BTBD3: variants seen among roughly 807,000 people sequenced by gnomAD.
BTBD3 encodes the protein BTB/POZ domain-containing protein 3.
A neutral mutation model predicts 41.6 loss-of-function variants in BTBD3; 14 were observed. That is an observed-to-expected ratio of 0.34 (90% CI 0.22 to 0.53). The LOEUF (loss-of-function observed/expected upper bound fraction) is 0.53, where lower values mean the gene tolerates loss of function less well. Ranked by LOEUF, BTBD3 falls within the 20% of genes least tolerant of loss-of-function variation. The pLI is 0.95. For synonymous variants in BTBD3, 249 were observed against 233.7 expected (o/e 1.07, Z -0.60); for missense variants, 426 against 654.7 (o/e 0.65, Z 3.81).
At chr20:11,911,617 ATTTG>A (rs1006675364) in intron 1 of BTBD3, among the ~76,000 whole-genome samples, 2 of 152,224 alleles carry the variant, frequency 1.3e-5, no homozygotes, top group African/African-American at 4.8e-5. Flanking sequence ...AAGGTGGCGA[ATTTG>A]TTTGAGGCTG....
chr20:11,923,045 A>C lies in BTBD3; in HGVS notation c.948A>C (p.Ala316=). The C allele has an allele frequency of 6.2e-7, 1 of 1,614,092 alleles. No individual in the cohort carries two copies. Among genetic ancestry groups the C allele is most frequent in the Middle Eastern group, 1.6e-4 (1 of 6,062 alleles). ...IENKRKVLGK[A]LYLIRIPTMA... ...ATAAACGCAAGGTTCTAGGAAAGGC[A>C]CTTTACTTGATCCGCATACCCACAA... The change falls in exon 4 of 4, where the codon GCA becomes GCC. Residue 316 remains alanine, a synonymous_variant. Coordinates refer to ENST00000378226, the MANE Select transcript of BTBD3 (RefSeq NM_014962.4). The surrounding 1 kb of genome is among the most constrained non-coding windows in gnomAD (Gnocchi z 5.3).
intron 3 of BTBD3, among the ~76,000 whole-genome samples, chr20:11,920,666 T>A (rs979513351): frequency 1.3e-5 from 2 of 152,192 alleles, no homozygotes; most frequent in Admixed American, 1.3e-4. Flanking sequence ...TAAGTAGTAT[T>A]TATATGATTT....
chr20:11,891,614 G>T (rs1043712167), intron 1 of BTBD3, among the ~76,000 whole-genome samples: 5 of 152,160 alleles, frequency 3.3e-5, no homozygotes, highest in African/African-American at 4.8e-5. Context: ...TTTGTGGCCC[G>T]TTTGCTCTAA....
chr20:11,919,643 T>G, intron 2 of BTBD3, 75 bp from the exon 3 acceptor site: 1 of 1,435,700 alleles, frequency 7.0e-7, no homozygotes, highest in Non-Finnish European at 9.8e-7. Context: ...GATTGCCTAG[T>G]GTTGTTTTTC....
At chr20:11,911,665 G>A (rs745901775) in intron 1 of BTBD3, among the ~76,000 whole-genome samples, 1 of 152,166 alleles carries the variant, frequency 6.6e-6, no homozygotes, top group African/African-American at 2.4e-5. Context: ...TTGCAGGGCC[G>A]CAGGTTGGAC....
rs1386925348 is a variant in BTBD3, at chr20:11,918,488, G to C, written c.213G>C (p.Lys71Asn). 6.2e-7 allele frequency: 1 copy of C among 1,614,142 alleles called. No homozygotes were observed. The highest frequency in any genetic ancestry group is 2.2e-5 in the East Asian group (1 of 44,888). Reference protein sequence around the residue: ...KMAADIFPRKKPANSSSTSVQ... With the variant: ...KMAADIFPRKNPANSSSTSVQ... ...CTGCTGATATATTCCCCCGTAAAAAGCCAGCCAACTCCAGCAGCACCAGCG... is the reference window on the plus strand; with the variant it reads ...CTGCTGATATATTCCCCCGTAAAAACCCAGCCAACTCCAGCAGCACCAGCG... The change falls in exon 1 of 4, where the codon AAG becomes AAC. Residue 71 changes from lysine (K) to asparagine (N), a missense_variant. Physicochemically the swap from Lys to Asn is moderately conservative, Grantham distance 94 (BLOSUM62 0). Coordinates refer to ENST00000378226, the MANE Select transcript of BTBD3 (RefSeq NM_014962.4).
intron 1 of BTBD3, 158 bp downstream of exon 1, chr20:11,918,759 G>C (rs2056940141): frequency 1.3e-6 from 1 of 795,490 alleles, no homozygotes. Flanking sequence ...TTCCAAAACA[G>C]TACAGCTGTT....
At chr20:11,914,202 G>C (rs534253316), upstream of BTBD3, among the ~76,000 whole-genome samples, 1 of 152,074 alleles carries the variant, frequency 6.6e-6, no homozygotes, top group African/African-American at 2.4e-5. Context: ...CAACCCAGTG[G>C]GTGATGTTTC....
chr20:11,903,346 C>G (rs575486353), intron 1 of BTBD3, among the ~76,000 whole-genome samples: 1 of 152,244 alleles, frequency 6.6e-6, no homozygotes, highest in Non-Finnish European at 1.5e-5. Context: ...GATTGCTACC[C>G]CCAATTCTCC....
chr20:11,913,997 C>G (rs2056903976), upstream of BTBD3, among the ~76,000 whole-genome samples: 1 of 152,188 alleles, frequency 6.6e-6, no homozygotes. Flanking sequence ...ACCTAATACA[C>G]TGCATAGTCA....
chr20:11,922,831 G>T lies in BTBD3; in HGVS notation c.734G>T (p.Trp245Leu), dbSNP rs748850736. ...FEEPDLTQRC[W>L]EVIDAQAELA... ...GAGCCAGACCTGACCCAGCGTTGCT[G>T]GGAGGTGATTGATGCCCAGGCTGAG... Residue 245 changes from tryptophan (W) to leucine (L), a missense_variant, in exon 4 of 4, where the codon TGG becomes TTG. This residue lies in a region of BTBD3 where 321 missense variants were observed against 534.8 expected (regional missense o/e 0.60). Coordinates refer to ENST00000378226, the MANE Select transcript of BTBD3 (RefSeq NM_014962.4). 9.9e-6 allele frequency: 16 copies of T among 1,614,104 alleles called. No individual in the cohort carries two copies. Among genetic ancestry groups the T allele is most frequent in the African/African-American group, 1.3e-5 (1 of 74,936 alleles).
intron 1 of BTBD3, among the ~76,000 whole-genome samples, chr20:11,897,880 C>T (rs766502102): frequency 6.6e-5 from 10 of 152,272 alleles, no homozygotes; most frequent in Non-Finnish European, 1.0e-4. Flanking sequence ...TGATCTGGGC[C>T]GGGCATGGTG....
At position 11,918,397 on chromosome 20, in the gene BTBD3, A is replaced by G; in HGVS notation, c.122A>G (p.Asn41Ser). 1 of 1,614,212 alleles carries G rather than the reference A, an allele frequency of 6.2e-7. No individual in the cohort carries two copies. The highest frequency in any genetic ancestry group is 1.3e-5 in the African/African-American group (1 of 75,060). The change falls in exon 1 of 4, where the codon AAC becomes AGC. Residue 41 changes from asparagine (N) to serine (S), a missense_variant. Coordinates refer to ENST00000378226, the MANE Select transcript of BTBD3 (RefSeq NM_014962.4). Reference sequence around the variant, plus strand: ...GCAAATACCAGCAGCAGCAGTAGCAACAGCAGCAAGTTGCCACCAGTTTGT... The same window carrying G: ...GCAAATACCAGCAGCAGCAGTAGCAGCAGCAGCAAGTTGCCACCAGTTTGT... ...KKANTSSSSS[N>S]SSKLPPVCYE...
In BTBD3 at chr20:11,891,188, G is replaced by A. The variant is rs781515088; in HGVS notation, c.-126+234G>A. On this transcript the variant is annotated intron_variant, in intron 1 of 4. Coordinates refer to the BTBD3 transcript ENST00000254977. ...GGGCTGGCTTTCCGAGGGGGGGGGG[G>A]TCCCAGTGGGGCGCGTCGGGCCCGC... 4.3e-3 allele frequency: 695 copies of A among 160,760 alleles called. 7 individuals carry two copies. The highest frequency in any genetic ancestry group is 5.2e-3 in the Non-Finnish European group (403 of 77,206). 10.0% of individuals were successfully genotyped at this position (160,760 alleles called of 1,614,324 possible). A position where few individuals can be genotyped will look rare whatever the true frequency, so the allele number is the denominator to read the frequency against.
At position 11,924,357 on chromosome 20, in the gene BTBD3, T is replaced by A. The variant is rs1395942630; in HGVS notation, c.*691T>A. 6.6e-6 allele frequency: 1 copy of A among 152,202 alleles called. No homozygotes were observed. The highest frequency in any genetic ancestry group is 1.5e-5 in the Non-Finnish European group (1 of 68,038). 9.4% of individuals were successfully genotyped at this position (152,202 alleles called of 1,614,324 possible). ...TTCTTTTAGTTTAGAAGACAAAAAA[T>A]TTCAATACAGATACTTCTTTTAGAA... On this transcript the variant is annotated 3_prime_UTR_variant, in exon 4 of 4. Transcript: ENST00000378226.
chr20:11,893,443 A>G (rs1232263460), intron 1 of BTBD3, among the ~76,000 whole-genome samples: 1 of 152,252 alleles, frequency 6.6e-6, no homozygotes, highest in Non-Finnish European at 1.5e-5. Context: ...TGGACCTTGT[A>G]GTTCCAGCAG....
At chr20:11,905,507 C>T (rs1451650739) in intron 1 of BTBD3, among the ~76,000 whole-genome samples, 5 of 152,152 alleles carry the variant, frequency 3.3e-5, no homozygotes. Flanking sequence ...TGAAACAATA[C>T]ATTGATTATA....
intron 1 of BTBD3, among the ~76,000 whole-genome samples, chr20:11,894,715 T>C (rs2056776321): frequency 6.6e-6 from 1 of 152,132 alleles, no homozygotes; most frequent in Non-Finnish European, 1.5e-5. Context: ...TATTTTTATT[T>C]CTATATAAAC....
chr20:11,903,648 C>G (rs1174107918), intron 1 of BTBD3, among the ~76,000 whole-genome samples: 1 of 151,874 alleles, frequency 6.6e-6, no homozygotes, highest in African/African-American at 2.4e-5. Context: ...GCTCTTGTTG[C>G]CCAGGCTGTA....
Sources: allele counts gnomAD v4.1 joint callset (sites outside exome capture counted in the v4.1 genomes callset), GRCh38; gene constraint gnomAD v4.1.1; regional missense constraint gnomAD v4.1.1; non-coding constraint Gnocchi (gnomAD v3.1); transcripts MANE v1.5; gene names NCBI Gene and HGNC (gene_info 2026-07-23, HGNC 2026-07-21).